The following CAST variants were observed in gnomAD, a reference collection of about 807,000 sequenced individuals.
CAST encodes MIR583 host.
Under a neutral mutation model 119.6 loss-of-function variants are expected in CAST, and 76 were observed. That is an observed-to-expected ratio of 0.64 (90% CI 0.53 to 0.77). The LOEUF (loss-of-function observed/expected upper bound fraction) is 0.77, where lower values mean the gene tolerates loss of function less well. CAST is among the 30% of genes least tolerant of loss of function. The pLI is 0.00. For synonymous variants in CAST, 319 were observed against 331.6 expected (o/e 0.96, Z 0.41); for missense variants, 953 against 946.5 (o/e 1.01, Z -0.09).
intron 20 of CAST, among the ~76,000 whole-genome samples, chr5:96,751,222 A>G (rs767588662): frequency 1.3e-5 from 2 of 151,582 alleles, no homozygotes; most frequent in African/African-American, 2.4e-5. Context: ...TTTTTTTTCC[A>G]TTAGTTAATG....
chr5:96,771,743 T>G, intron 31 of CAST, 41 bp downstream of exon 31: 1 of 1,249,446 alleles, frequency 8.0e-7, no homozygotes, highest in South Asian at 1.2e-5. Flanking sequence ...CAACTGTATC[T>G]TCTGCCAATT....
chr5:96,377,496 T>C, the CAST span, among the ~76,000 whole-genome samples: 2 of 152,180 alleles, frequency 1.3e-5, no homozygotes, highest in Non-Finnish European at 2.9e-5. Flanking sequence ...ATAAAAATAT[T>C]TACCATTGTG....
chr5:96,144,301 A>G, the CAST span, among the ~76,000 whole-genome samples: 5 of 152,238 alleles, frequency 3.3e-5, no homozygotes, highest in Non-Finnish European at 7.3e-5. Flanking sequence ...TCTTGTTATA[A>G]CATGACTACT....
the CAST span, among the ~76,000 whole-genome samples, chr5:96,290,935 G>A: frequency 2.0e-5 from 3 of 152,280 alleles, no homozygotes; most frequent in African/African-American, 7.2e-5. Context: ...CTGAAGCTTG[G>A]TTATGAAAGA....
chr5:95,986,953 G>T, the CAST span, among the ~76,000 whole-genome samples: 1 of 152,272 alleles, frequency 6.6e-6, no homozygotes, highest in African/African-American at 2.4e-5. Context: ...CTTTGGAGTG[G>T]CAGAAAGGAG....
intron 22 of CAST, among the ~76,000 whole-genome samples, chr5:96,756,797 A>G (rs1766410623): frequency 6.6e-6 from 1 of 152,124 alleles, no homozygotes; most frequent in Admixed American, 6.5e-5. Flanking sequence ...TAGTATATAG[A>G]TCTCCTTTTA....
chr5:96,238,409 C>T, the CAST span, among the ~76,000 whole-genome samples: 22 of 118,750 alleles, frequency 1.9e-4, no homozygotes, highest in East Asian at 1.2e-3. Context: ...TTTTTTTAGA[C>T]GGAGTTTTTG....
At chr5:96,116,094 C>A in the CAST span, among the ~76,000 whole-genome samples, 1 of 152,108 alleles carries the variant, frequency 6.6e-6, no homozygotes, top group East Asian at 1.9e-4. Flanking sequence ...TGCCCCTTTG[C>A]ATTTTATCCG....
intron 1 of CAST, among the ~76,000 whole-genome samples, chr5:96,565,480 T>C (rs1273662409): frequency 1.3e-5 from 2 of 152,200 alleles, no homozygotes; most frequent in East Asian, 1.9e-4. Context: ...TCCCTCCTTA[T>C]TGGACACATC....
At chr5:96,186,078 C>A in the CAST span, among the ~76,000 whole-genome samples, 2 of 152,010 alleles carry the variant, frequency 1.3e-5, no homozygotes, top group African/African-American at 4.8e-5. Context: ...CCCATGTTAG[C>A]TGTATTCATA....
At chr5:96,463,272 G>A in the CAST span, among the ~76,000 whole-genome samples, 1 of 151,994 alleles carries the variant, frequency 6.6e-6, no homozygotes, top group South Asian at 2.1e-4. Flanking sequence ...ATACATTGAT[G>A]GTACACAGTG....
chr5:96,048,711 C>A, the CAST span, among the ~76,000 whole-genome samples: 1 of 152,100 alleles, frequency 6.6e-6, no homozygotes, highest in East Asian at 1.9e-4. Context: ...TATGTCAGAA[C>A]TTCCCCATTT....
chr5:96,188,437 C>T, the CAST span, among the ~76,000 whole-genome samples: 9 of 152,132 alleles, frequency 5.9e-5, no homozygotes, highest in East Asian at 1.7e-3. Context: ...TATTGAAACA[C>T]TACTCAACTT....
At chr5:96,734,905 A>C (rs1761307895) in intron 9 of CAST, among the ~76,000 whole-genome samples, 1 of 152,160 alleles carries the variant, frequency 6.6e-6, no homozygotes, top group South Asian at 2.1e-4. Context: ...GAAAAGAATG[A>C]AGTAGGAGGA....
intron 1 of CAST, among the ~76,000 whole-genome samples, chr5:96,664,187 A>G (rs887519679): frequency 6.6e-6 from 1 of 152,120 alleles, no homozygotes; most frequent in African/African-American, 2.4e-5. Context: ...ATTATGTGCC[A>G]GGCAGAATTA....
chr5:96,130,448 G>T, the CAST span, among the ~76,000 whole-genome samples: 1 of 79,340 alleles, frequency 1.3e-5, no homozygotes. Flanking sequence ...AAGGACATTA[G>T]GAAAAAAAAA....
chr5:96,432,183 T>G, the CAST span: 1 of 1,506,790 alleles, frequency 6.6e-7, no homozygotes, highest in East Asian at 2.5e-5. Flanking sequence ...AAGCTTGGAC[T>G]TTATAAGTTC....
At chr5:96,323,849 C>A in the CAST span, among the ~76,000 whole-genome samples, 13 of 152,316 alleles carry the variant, frequency 8.5e-5, no homozygotes, top group African/African-American at 3.1e-4. Flanking sequence ...CACAGCTCAT[C>A]TCTGGCAGAG....
At chr5:96,225,512 AG>A in the CAST span, among the ~76,000 whole-genome samples, 8 of 152,224 alleles carry the variant, frequency 5.3e-5, no homozygotes, top group Non-Finnish European at 1.2e-4. Flanking sequence ...GACTGGAAAA[AG>A]CTCATTTATG....
Sources: allele counts gnomAD v4.1 joint callset (sites outside exome capture counted in the v4.1 genomes callset), GRCh38; gene constraint gnomAD v4.1.1; transcripts MANE v1.5; gene names NCBI Gene and HGNC (gene_info 2026-07-23, HGNC 2026-07-21).